SHANK2: variants seen among roughly 807,000 people sequenced by gnomAD.
SHANK2 encodes SH3 and multiple ankyrin repeat domains 2, also known as SH3 and multiple ankyrin repeat domains protein 2.
In SHANK2, 43 loss-of-function variants were observed where a neutral mutation model predicts 133.7. The ratio of observed to expected loss-of-function variants is 0.32; its 90% CI spans 0.25 to 0.41. SHANK2 has a LOEUF of 0.41. Among genes scored for constraint, SHANK2 ranks in the 10% least tolerant of loss-of-function variants. The pLI is 1.00. For synonymous variants in SHANK2, 1,017 were observed against 952.8 expected (o/e 1.07, Z -1.24); for missense variants, 1,994 against 2,235.8 (o/e 0.89, Z 2.18).
intron 17 of SHANK2, among the ~76,000 whole-genome samples, chr11:70,589,629 A>G (rs1591618218): frequency 6.6e-6 from 1 of 152,370 alleles, no homozygotes; most frequent in East Asian, 1.9e-4. Context: ...TATAGCTGCC[A>G]TAAATAGTGA....
intron 17 of SHANK2, among the ~76,000 whole-genome samples, chr11:70,599,804 G>T (rs542739033): frequency 1.4e-5 from 2 of 142,172 alleles, no homozygotes; most frequent in East Asian, 4.0e-4. Flanking sequence ...GAAAAGAAAA[G>T]AAAGAAGAGG....
At chr11:70,665,552 A>AAG (rs1555014671) in intron 15 of SHANK2, among the ~76,000 whole-genome samples, 5 of 152,202 alleles carry the variant, frequency 3.3e-5, no homozygotes, top group African/African-American at 7.2e-5. Context: ...AGTCTCTGAC[A>AAG]TTAAGAAGGA....
chr11:71,073,156 C>CTTTTTTTTTT (rs1198101078), intron 9 of SHANK2, among the ~76,000 whole-genome samples: 8 of 40,810 alleles, frequency 2.0e-4, no homozygotes, highest in African/African-American at 5.4e-4. Flanking sequence ...TCTTTTTTTT[C>CTTTTTTTTTT]TTTTTTTTCT....
chr11:70,487,859 C>T lies in SHANK2; in HGVS notation c.2573-139G>A. The stretch of plus-strand genomic sequence containing the variant: ...GATGTTCAGGAAACACAGCACAAGC[C>T]ACGATGCCGAGTGGTTAGTCACATG... On this transcript the variant is annotated intron_variant, in intron 24 of 25. Coordinates refer to ENST00000601538, the MANE Select transcript of SHANK2 (RefSeq NM_012309.5). The surrounding 1 kb of genome is among the most constrained non-coding windows in gnomAD (Gnocchi z 5.8). 1 of 1,510,714 alleles carries T rather than the reference C, an allele frequency of 6.6e-7. No homozygotes were observed. Among genetic ancestry groups the T allele is most frequent in the South Asian group, 1.2e-5 (1 of 82,090 alleles). The allele number at this position is 1,510,714 out of a possible 1,614,324, so 93.6% of individuals were successfully genotyped here.
chr11:71,225,758 A>C (rs782595889), intron 1 of SHANK2, among the ~76,000 whole-genome samples: 8 of 152,212 alleles, frequency 5.3e-5, no homozygotes, highest in Non-Finnish European at 1.0e-4. Context: ...ACATGCTAGA[A>C]ACAGATGAAA....
At chr11:71,073,147 C>CTTTT (rs1156355131) in intron 9 of SHANK2, among the ~76,000 whole-genome samples, 662 of 62,640 alleles carry the variant, frequency 0.011, 103 homozygotes, top group African/African-American at 0.012. Context: ...TTTTTCTTTT[C>CTTTT]TTTTTTTTCT....
chr11:70,925,560 T>A (rs1022427164), intron 10 of SHANK2, among the ~76,000 whole-genome samples: 1 of 152,228 alleles, frequency 6.6e-6, no homozygotes, highest in African/African-American at 2.4e-5. Context: ...ATCATTCCTA[T>A]GGTAGAGCTT....
chr11:70,551,589 G>T (rs1298417655), intron 17 of SHANK2, among the ~76,000 whole-genome samples: 4 of 152,216 alleles, frequency 2.6e-5, no homozygotes, highest in Admixed American at 2.0e-4. Flanking sequence ...TGACTCAGTG[G>T]TTTTTTTCAC....
intron 17 of SHANK2, among the ~76,000 whole-genome samples, chr11:70,574,620 T>C (rs1565143772): frequency 6.6e-6 from 1 of 151,862 alleles, no homozygotes; most frequent in East Asian, 2.0e-4. Context: ...CCCCTCCCCT[T>C]CTCTGACTCT....
At chr11:71,221,124 CCGGG>C (rs1565523819) in intron 2 of SHANK2, among the ~76,000 whole-genome samples, 9 of 151,640 alleles carry the variant, frequency 5.9e-5, no homozygotes, top group Admixed American at 1.3e-4. Context: ...TCGCTTGAGC[CCGGG>C]AGGCGGAGGT....
chr11:70,944,914 C>A (rs1195920193), intron 10 of SHANK2, among the ~76,000 whole-genome samples: 29 of 152,224 alleles, frequency 1.9e-4, no homozygotes, highest in Admixed American at 1.9e-3. Flanking sequence ...AAGAGTTTCT[C>A]AAATGCTCCC....
At chr11:70,932,188 T>C (rs1236112772) in intron 10 of SHANK2, among the ~76,000 whole-genome samples, 1 of 152,206 alleles carries the variant, frequency 6.6e-6, no homozygotes, top group Admixed American at 6.5e-5. Flanking sequence ...GCCATGGAAA[T>C]CCACCCCTTG....
Position 70,486,099 on chromosome 11 carries a change from G to A in SHANK2, c.4194C>T (p.Ser1398=), listed in dbSNP as rs551697408. The change falls in exon 25 of 26, where the codon TCC becomes TCT. Residue 1398 remains serine (S), a synonymous_variant. Transcript: ENST00000601538. The surrounding 1 kb of genome is among the most constrained non-coding windows in gnomAD (Gnocchi z 8.0). ...AAATAAAATCCTCATCCAAGTCCAC[G>A]GATGCCAGAGGGGGAGGAGGGATGC... ...PFRIPPPPLA[S]VDLDEDFIFT... is the part of the protein sequence containing the mutation. 3.2e-5 allele frequency: 51 copies of A among 1,613,880 alleles called. No individual in the cohort carries two copies. The highest frequency in any genetic ancestry group is 4.1e-5 in the Non-Finnish European group (48 of 1,180,020).
rs782354051 is a variant in SHANK2 at position 70,740,812 on chromosome 11, G to T, written c.1778-42049C>A. On this transcript the variant is annotated intron_variant, in intron 14 of 25. Transcript: ENST00000601538. ...TGGAGCCAGCCTCTCCCCAGAGGCA[G>T]TTCTGGATGTCCAAGGCCAGTCTGG... 2.6e-4 allele frequency among the ~76,000 whole-genome samples: 40 copies of T among 152,176 alleles called. 1 individual carries two copies. The highest frequency in any genetic ancestry group is 2.6e-4 in the Admixed American group (4 of 15,278).
chr11:71,152,758 C>A (rs1193429652), intron 2 of SHANK2, among the ~76,000 whole-genome samples: 1 of 152,140 alleles, frequency 6.6e-6, no homozygotes, highest in Non-Finnish European at 1.5e-5. Flanking sequence ...CGGGCTCTTT[C>A]CAGAACTATC....
Position 70,661,500 on chromosome 11 carries a change from T to TACACAC in SHANK2, c.1936+90_1936+95dup, listed in dbSNP as rs3837380. ...GGGGAACGTTTTTCATGCAGGCGTA[T>TACACAC]ACACACACACACACACACACACACA... On this transcript the variant is annotated intron_variant, in intron 16 of 25. Coordinates refer to ENST00000601538, the MANE Select transcript of SHANK2 (RefSeq NM_012309.5). 1,828 of 1,062,736 alleles carry TACACAC rather than the reference T, an allele frequency of 1.7e-3. 6 individuals carry two copies. The highest frequency in any genetic ancestry group is 4.5e-3 in the African/African-American group (246 of 54,912). 65.8% of individuals were successfully genotyped at this position (1,062,736 alleles called of 1,614,324 possible).
intron 17 of SHANK2, among the ~76,000 whole-genome samples, chr11:70,651,546 A>G (rs192867727): frequency 1.5e-4 from 23 of 152,238 alleles, no homozygotes; most frequent in African/African-American, 4.1e-4. Flanking sequence ...GCAGACCCCA[A>G]TGCTGTTGGC....
rs782629487 is a variant in SHANK2 at position 70,486,440 on chromosome 11, C to G, written c.3853G>C (p.Asp1285His). The G allele has an allele frequency of 6.2e-7, 1 of 1,614,076 alleles. No homozygotes were observed. ...TCGCCTTTCCGGTCTCGGCCCAGGTCGGTCTCGTACTTGTTCTCCGTCTCC... is the reference window on the plus strand; with the variant it reads ...TCGCCTTTCCGGTCTCGGCCCAGGTGGGTCTCGTACTTGTTCTCCGTCTCC... ...RQETENKYET[D>H]LGRDRKGDDK... The change falls in exon 25 of 26, where the codon GAC becomes CAC. Residue 1285 changes from aspartate to histidine, a missense_variant. This residue lies in a region of SHANK2 where 797 missense variants were observed against 907.4 expected (regional missense o/e 0.88). Transcript: ENST00000601538. This position sits in a 1 kb window ranked among gnomAD's most constrained non-coding sequence, Gnocchi z 8.0.
chr11:70,603,211 C>A (rs531183777), intron 17 of SHANK2: 2 of 152,460 alleles, frequency 1.3e-5, no homozygotes, highest in South Asian at 4.1e-4. Context: ...GGGGAGAAAC[C>A]GCCAACCATG....
Sources: gnomAD v4.1 joint callset for allele counts (sites outside exome capture counted in the v4.1 genomes callset) on GRCh38, gnomAD v4.1.1 for gene constraint, gnomAD v4.1.1 regional missense constraint, Gnocchi (gnomAD v3.1) non-coding constraint, MANE v1.5 for transcripts, NCBI Gene and HGNC (gene_info 2026-07-23, HGNC 2026-07-21) for gene names.